Variants in TLN2 observed in about 807,000 individuals in gnomAD.
TLN2 encodes the protein talin-2.
A neutral mutation model predicts 294.7 loss-of-function variants in TLN2; 118 were observed. That is an observed-to-expected ratio of 0.40 (90% CI 0.34 to 0.47). The LOEUF (loss-of-function observed/expected upper bound fraction) is 0.47. Among genes scored for constraint, TLN2 ranks in the 20% least tolerant of loss-of-function variants. TLN2 has a pLI of 0.84. For missense variants in TLN2, 3,083 were observed against 3,282.2 expected (o/e 0.94, Z 1.48); for synonymous variants, 1,431 against 1,304.5 (o/e 1.10, Z -2.09).
intron 1 of TLN2, among the ~76,000 whole-genome samples, chr15:62,471,040 G>A (rs1178961302): frequency 3.3e-5 from 5 of 152,178 alleles, no homozygotes; most frequent in Non-Finnish European, 5.9e-5. Flanking sequence ...TGGGGTTAGG[G>A]TGGGGGTAAA....
chr15:62,738,171 A>G lies in TLN2; in HGVS notation c.3568-43A>G, dbSNP rs2061130820. The G allele has an allele frequency of 1.9e-6, 3 of 1,606,388 alleles. No homozygotes were observed. The East Asian group carries it at 6.7e-5, about 36-fold the overall frequency. Reference sequence around the variant, plus strand: ...TGCCCATTCCCAACAAATGTGCAGAAATGTTTGTACTTAAAGGTGCTTCTC... The same window carrying G: ...TGCCCATTCCCAACAAATGTGCAGAGATGTTTGTACTTAAAGGTGCTTCTC... On this transcript the variant is annotated intron_variant, in intron 29 of 58. Transcript: ENST00000636159.
chr15:62,479,850 C>G (rs2037985185), intron 1 of TLN2, among the ~76,000 whole-genome samples: 1 of 152,230 alleles, frequency 6.6e-6, no homozygotes, highest in Admixed American at 6.5e-5. Context: ...GTGTCCCAGG[C>G]CCAGCACAGG....
chr15:62,675,078 TG>T (rs1207400804), intron 10 of TLN2, 138 bp from the exon 11 acceptor site: 1 of 732,826 alleles, frequency 1.4e-6, no homozygotes, highest in Non-Finnish European at 2.3e-6. Flanking sequence ...GCCTGTGTCA[TG>T]GAGGGGTCTC....
At chr15:62,484,168 G>T (rs1370910006) in intron 1 of TLN2, among the ~76,000 whole-genome samples, 3 of 152,174 alleles carry the variant, frequency 2.0e-5, no homozygotes, top group Non-Finnish European at 4.4e-5. Context: ...GTCAGGGTGG[G>T]TGTGGCTGCT....
chr15:62,743,302 C>G (rs1239737216), intron 32 of TLN2, among the ~76,000 whole-genome samples: 1 of 151,874 alleles, frequency 6.6e-6, no homozygotes, highest in Non-Finnish European at 1.5e-5. Context: ...GGGACCCAGG[C>G]CTGGACCAAC....
intron 2 of TLN2, among the ~76,000 whole-genome samples, chr15:62,605,538 C>T (rs1168543283): frequency 2.0e-5 from 3 of 152,164 alleles, no homozygotes; most frequent in Admixed American, 6.5e-5. Context: ...CTATCCCCAG[C>T]ACCATCTTTT....
At chr15:62,649,898 A>T in intron 4 of TLN2, 186 bp from the exon 5 acceptor site, 1 of 559,666 alleles carries the variant, frequency 1.8e-6, no homozygotes, top group African/African-American at 1.9e-5. Flanking sequence ...TGCTTCTGCA[A>T]CTCAACTCTT....
chr15:62,788,003 T>A (rs972467913), intron 45 of TLN2, among the ~76,000 whole-genome samples: 9 of 149,232 alleles, frequency 6.0e-5, no homozygotes, highest in Admixed American at 2.0e-4. Flanking sequence ...AAATCTCTTA[T>A]CTTTTTGGAT....
chr15:62,418,035 A>G (rs1043694529), intron 1 of TLN2, among the ~76,000 whole-genome samples: 1 of 152,214 alleles, frequency 6.6e-6, no homozygotes, highest in Non-Finnish European at 1.5e-5. Context: ...TGATGTGGCA[A>G]GGTGAGGAAG....
intron 32 of TLN2, among the ~76,000 whole-genome samples, chr15:62,745,555 GA>G (rs1354727662): frequency 6.6e-6 from 1 of 151,920 alleles, no homozygotes; most frequent in Non-Finnish European, 1.5e-5. Flanking sequence ...TTTATTTTTA[GA>G]GGGGTAGGCC....
At chr15:62,737,681 G>A (rs944077481) in intron 29 of TLN2, among the ~76,000 whole-genome samples, 21 of 152,322 alleles carry the variant, frequency 1.4e-4, no homozygotes, top group Middle Eastern at 3.4e-3. Context: ...CAACGTGAGG[G>A]CAGCTCCAGG....
rs11636376 is a variant in TLN2 at position 62,437,754 on chromosome 15, T to G, written c.-238+47069T>G. Reference sequence around the variant, plus strand: ...GTACTTTCAAAAAACACCATGGGGGTGTGTGTGTGTGTGTGTGTGTCTGTC... The same window carrying G: ...GTACTTTCAAAAAACACCATGGGGGGGTGTGTGTGTGTGTGTGTGTCTGTC... On this transcript the variant is annotated intron_variant, in intron 1 of 58. Coordinates refer to ENST00000636159, the MANE Select transcript of TLN2 (RefSeq NM_015059.3). Among the ~76,000 whole-genome samples, 962 of 108,064 alleles carry G rather than the reference T, an allele frequency of 8.9e-3. 8 individuals carry two copies. Among genetic ancestry groups the G allele is most frequent in the African/African-American group, 0.031 (897 of 28,620 alleles). The allele number at this position is 108,064 out of a possible 152,430, so 70.9% of individuals were successfully genotyped here.
chr15:62,723,221 A>G (rs769637652), intron 26 of TLN2, among the ~76,000 whole-genome samples: 1 of 152,250 alleles, frequency 6.6e-6, no homozygotes, highest in Non-Finnish European at 1.5e-5. Flanking sequence ...TACACTGCCA[A>G]ATAAAAATAT....
chr15:62,809,876 A>G (rs377500019), intron 51 of TLN2, 49 bp from the exon 52 acceptor site: 92 of 1,579,804 alleles, frequency 5.8e-5, no homozygotes, highest in Middle Eastern at 1.7e-4. Context: ...GGACTGCCCA[A>G]TGCTGGCTTT....
chr15:62,722,945 T>C (rs1306502508), intron 26 of TLN2, among the ~76,000 whole-genome samples: 3 of 152,220 alleles, frequency 2.0e-5, no homozygotes, highest in African/African-American at 7.2e-5. Context: ...TTTTTTGCCC[T>C]GCAAAGTTTT....
At chr15:62,600,676 A>G (rs978213546) in intron 2 of TLN2, among the ~76,000 whole-genome samples, 6 of 152,206 alleles carry the variant, frequency 3.9e-5, no homozygotes, top group Non-Finnish European at 5.9e-5. Context: ...GAAACTTTCA[A>G]ACATATTCAA....
intron 26 of TLN2, among the ~76,000 whole-genome samples, chr15:62,722,966 G>A (rs530894032): frequency 2.2e-4 from 33 of 152,258 alleles, no homozygotes; most frequent in Admixed American, 1.2e-3. Flanking sequence ...CACTTATTGC[G>A]TGGGAGCATT....
At chr15:62,415,118 A>C (rs1441844403) in intron 1 of TLN2, among the ~76,000 whole-genome samples, 1 of 140,542 alleles carries the variant, frequency 7.1e-6, no homozygotes, top group African/African-American at 2.5e-5. Context: ...CATGTTGGCC[A>C]GGCTGGTCTC....
At chr15:62,555,717 C>G (rs770035291) in intron 1 of TLN2, among the ~76,000 whole-genome samples, 2 of 152,096 alleles carry the variant, frequency 1.3e-5, no homozygotes, top group Non-Finnish European at 2.9e-5. Context: ...TTACTTTTCC[C>G]GGTATAATGT....
Sources: gnomAD v4.1 joint callset for allele counts (sites outside exome capture counted in the v4.1 genomes callset) on GRCh38, gnomAD v4.1.1 for gene constraint, MANE v1.5 for transcripts, NCBI Gene and HGNC (gene_info 2026-07-23, HGNC 2026-07-21) for gene names.